Variants in ADAMTSL1 observed in about 807,000 individuals in gnomAD.
ADAMTSL1 encodes the protein ADAMTS like 1.
Under a neutral mutation model 201.8 loss-of-function variants are expected in ADAMTSL1, and 126 were observed. The observed-to-expected ratio is 0.62, with a 90% CI of 0.54 to 0.72. The LOEUF is 0.72. Ranked by LOEUF, ADAMTSL1 falls within the 30% of genes least tolerant of loss-of-function variation. The pLI, the probability that ADAMTSL1 is intolerant of heterozygous loss-of-function variation, is 0.00. For missense variants in ADAMTSL1, 2,679 were observed against 2,277.8 expected, an observed-to-expected ratio of 1.18 and a Z score of -3.59; for synonymous variants, 1,121 against 903.4, an observed-to-expected ratio of 1.24 and a Z score of -4.32.
intron 2 of ADAMTSL1, among the ~76,000 whole-genome samples, chr9:18,376,697 C>T (rs1837311167): frequency 6.6e-6 from 1 of 151,950 alleles, no homozygotes; most frequent in Admixed American, 6.6e-5. Context: ...TCCCAACTAC[C>T]TGGGAGGCTG....
intron 2 of ADAMTSL1, among the ~76,000 whole-genome samples, chr9:18,225,793 G>C (rs1006279117): frequency 1.3e-5 from 2 of 152,086 alleles, no homozygotes; most frequent in African/African-American, 4.8e-5. Context: ...CATTTATGCA[G>C]TAATTATTGT....
intron 4 of ADAMTSL1, among the ~76,000 whole-genome samples, chr9:18,590,203 C>T (rs1823816930): frequency 6.6e-6 from 1 of 152,010 alleles, no homozygotes; most frequent in Non-Finnish European, 1.5e-5. Context: ...CTTGTTTGAT[C>T]TCTTTATTCA....
At chr9:17,988,738 A>G (rs1466920998) in intron 1 of ADAMTSL1, among the ~76,000 whole-genome samples, 1 of 151,868 alleles carries the variant, frequency 6.6e-6, no homozygotes, top group Admixed American at 6.6e-5. Context: ...ATTATCAGTG[A>G]ACTCTTTTCC....
At chr9:18,420,006 G>A (rs10810966) in intron 2 of ADAMTSL1, among the ~76,000 whole-genome samples, 1 of 151,942 alleles carries the variant, frequency 6.6e-6, no homozygotes, top group South Asian at 2.1e-4. Context: ...GGGATTACAG[G>A]TGTGAGCCAC....
chr9:18,107,904 G>A (rs1160077385), intron 1 of ADAMTSL1, among the ~76,000 whole-genome samples: 2 of 152,140 alleles, frequency 1.3e-5, no homozygotes, highest in African/African-American at 4.8e-5. Flanking sequence ...CCACCGTGCT[G>A]AGCCCTCCAG....
Position 18,680,354 on chromosome 9 carries a change from G to T in ADAMTSL1, c.1179G>T (p.Gly393=), listed in dbSNP as rs142751664. 1.2e-5 allele frequency: 19 copies of T among 1,614,054 alleles called. No individual in the cohort carries two copies. Among genetic ancestry groups the T allele is most frequent in the African/African-American group, 2.7e-5 (2 of 74,918 alleles). Residue 393 remains glycine (G), a synonymous_variant, in exon 11 of 29, where the codon GGG becomes GGT. Coordinates refer to ENST00000380548, the MANE Select transcript of ADAMTSL1 (RefSeq NM_001040272.6). ...TPWTACSSSC[G]GGIQSRAVSC... is the part of the protein sequence containing the mutation. ...GGACCGCGTGCTCCTCCTCGTGTGG[G>T]GGGGGCATCCAGAGCCGGGCAGTTT...
chr9:18,355,704 A>G (rs1015665225), intron 2 of ADAMTSL1, among the ~76,000 whole-genome samples: 19 of 152,228 alleles, frequency 1.2e-4, no homozygotes, highest in African/African-American at 4.6e-4. Flanking sequence ...TACTAAAAAA[A>G]TTAAAAAATT....
At chr9:18,708,255 G>T (rs1252331384) in intron 14 of ADAMTSL1, among the ~76,000 whole-genome samples, 1 of 152,184 alleles carries the variant, frequency 6.6e-6, no homozygotes, top group East Asian at 1.9e-4. Flanking sequence ...AATGAATAGT[G>T]GAACAAGTAC....
chr9:18,603,391 CTAT>C (rs35812809), intron 4 of ADAMTSL1, among the ~76,000 whole-genome samples: 11,711 of 151,900 alleles, frequency 0.077, 899 homozygotes, highest in African/African-American at 0.2. Context: ...CTATGCTATG[CTAT>C]GCTATGCTAT....
At position 18,552,681 on chromosome 9, in the gene ADAMTSL1, G is replaced by A. The variant is rs138471410; in HGVS notation, c.237+19389G>A. ...ATTTGCCAATTTCACCTTGTAGTCC[G>A]TTTGGGTTATTTTGGACTGTCTTAT... On this transcript the variant is annotated intron_variant, in intron 3 of 28. Transcript: ENST00000380548. 7.3e-5 allele frequency among the ~76,000 whole-genome samples: 11 copies of A among 151,672 alleles called. No homozygotes were observed. In the South Asian group the frequency reaches 1.2e-3, roughly 17 times the overall value.
At chr9:18,336,396 A>C (rs1210908231) in intron 2 of ADAMTSL1, among the ~76,000 whole-genome samples, 1 of 152,140 alleles carries the variant, frequency 6.6e-6, no homozygotes, top group Non-Finnish European at 1.5e-5. Context: ...AAGTGGAAAA[A>C]AAAGTGATCT....
intron 5 of ADAMTSL1, among the ~76,000 whole-genome samples, chr9:18,631,978 A>G (rs1826808063): frequency 6.6e-6 from 1 of 152,214 alleles, no homozygotes; most frequent in Non-Finnish European, 1.5e-5. Context: ...CAACAAAGCC[A>G]GAATAGATTA....
intron 2 of ADAMTSL1, among the ~76,000 whole-genome samples, chr9:18,228,729 A>C (rs901516133): frequency 6.6e-6 from 1 of 152,110 alleles, no homozygotes; most frequent in Non-Finnish European, 1.5e-5. Flanking sequence ...GGGATTTTCT[A>C]ATGCCTTGCT....
intron 4 of ADAMTSL1, among the ~76,000 whole-genome samples, chr9:18,618,002 A>C (rs1168179227): frequency 1.3e-5 from 2 of 152,144 alleles, no homozygotes; most frequent in Non-Finnish European, 2.9e-5. Context: ...TCATTATCTC[A>C]CTTAAATGTT....
rs750118067 is a variant in ADAMTSL1, at chr9:18,707,004, G to A, written c.1832G>A (p.Trp611Ter). Residue 611 changes from tryptophan (W) to a stop codon, truncating the protein, a stop_gained, in exon 14 of 29, where the codon TGG (tryptophan) becomes TAG (stop). Transcript: ENST00000380548. LOFTEE classifies it high-confidence loss of function. ...GLQDFDELYD[W>*]EYEGFTKCSE... ...CAGGATTTCGACGAGCTGTATGACT[G>A]GGAGTATGAGGGGTTCACCAAGTGC... 2 of 1,613,922 alleles carry A rather than the reference G, an allele frequency of 1.2e-6. No individual in the cohort carries two copies. Among genetic ancestry groups the A allele is most frequent in the South Asian group, 1.1e-5 (1 of 91,060 alleles).
At chr9:18,382,629 T>A (rs896199649) in intron 2 of ADAMTSL1, among the ~76,000 whole-genome samples, 1 of 152,010 alleles carries the variant, frequency 6.6e-6, no homozygotes, top group South Asian at 2.1e-4. Context: ...AGCCATAAAA[T>A]CCAGAGCCTG....
chr9:18,868,225 A>C (rs1156952496), intron 23 of ADAMTSL1, among the ~76,000 whole-genome samples: 1 of 152,294 alleles, frequency 6.6e-6, no homozygotes, highest in African/African-American at 2.4e-5. Flanking sequence ...TTCTTTAAAT[A>C]CTTAACATAT....
intron 4 of ADAMTSL1, among the ~76,000 whole-genome samples, chr9:18,593,613 A>G (rs1459741549): frequency 1.3e-5 from 2 of 151,974 alleles, no homozygotes; most frequent in African/African-American, 2.4e-5. Flanking sequence ...TTCATTATCT[A>G]TAATTTGTTT....
chr9:18,247,402 T>C (rs1236100265), intron 2 of ADAMTSL1, among the ~76,000 whole-genome samples: 2 of 152,232 alleles, frequency 1.3e-5, no homozygotes, highest in African/African-American at 2.4e-5. Context: ...TAATTTTCAT[T>C]CATTTGTTTA....
Sources: gnomAD v4.1 joint callset for allele counts (sites outside exome capture counted in the v4.1 genomes callset) on GRCh38, gnomAD v4.1.1 for gene constraint, MANE v1.5 for transcripts, NCBI Gene and HGNC (gene_info 2026-07-23, HGNC 2026-07-21) for gene names.